Variants in GRIK1 observed in about 807,000 individuals in gnomAD.
GRIK1 encodes the protein glutamate receptor ionotropic, kainate 1.
In GRIK1, 69 loss-of-function variants were observed where a neutral mutation model predicts 105.7. The observed-to-expected ratio is 0.65, with a 90% CI of 0.54 to 0.80. The LOEUF (loss-of-function observed/expected upper bound fraction) is 0.80. GRIK1 is among the 30% of genes least tolerant of loss of function. The pLI, the probability that GRIK1 is intolerant of heterozygous loss-of-function variation, is 0.00. For missense variants in GRIK1, 1,109 were observed against 1,167.3 expected (o/e 0.95, Z 0.73); for synonymous variants, 438 against 431.3 (o/e 1.02, Z -0.19).
chr21:29,744,507 A>C (rs2065003782), intron 1 of GRIK1, among the ~76,000 whole-genome samples: 2 of 151,832 alleles, frequency 1.3e-5, no homozygotes, highest in Non-Finnish European at 2.9e-5. Flanking sequence ...GAGAGGGGGC[A>C]AGAAATCCTT....
At chr21:29,869,786 T>C (rs555466638) in intron 1 of GRIK1, among the ~76,000 whole-genome samples, 1 of 152,258 alleles carries the variant, frequency 6.6e-6, no homozygotes, top group Admixed American at 6.5e-5. Flanking sequence ...TAAACAAACA[T>C]TAAAAAATCT....
At chr21:29,797,789 G>A (rs114293954) in intron 1 of GRIK1, among the ~76,000 whole-genome samples, 270 of 152,106 alleles carry the variant, frequency 1.8e-3, no homozygotes, top group African/African-American at 6.3e-3. Flanking sequence ...ACAATGTCCC[G>A]CCTAGATTTC....
rs567274283 is a variant in GRIK1, at chr21:29,824,364, G to C, written c.118+115019C>G. ...TGTTTCACATTCAGGGGTTATCATA[G>C]TATACAAATAGACAAGCAACCTCTT... On this transcript the variant is annotated intron_variant, in intron 1 of 17. Transcript: ENST00000327783. Among the ~76,000 whole-genome samples the C allele has an allele frequency of 4.6e-5, 7 of 151,956 alleles. No homozygotes were observed. In the South Asian group the frequency reaches 8.3e-4, roughly 18 times the overall value.
intron 1 of GRIK1, among the ~76,000 whole-genome samples, chr21:29,725,116 G>C (rs1052898673): frequency 2.6e-5 from 4 of 151,962 alleles, no homozygotes; most frequent in Non-Finnish European, 5.9e-5. Flanking sequence ...AGCTGGAGAA[G>C]TGTGTTCTCA....
intron 7 of GRIK1, among the ~76,000 whole-genome samples, chr21:29,633,687 G>A (rs2062335403): frequency 6.6e-6 from 1 of 152,004 alleles, no homozygotes; most frequent in African/African-American, 2.4e-5. Flanking sequence ...TCCATCCAGA[G>A]TTGTACAGGG....
At chr21:29,770,978 G>T (rs770230676) in intron 1 of GRIK1, among the ~76,000 whole-genome samples, 1 of 152,004 alleles carries the variant, frequency 6.6e-6, no homozygotes, top group Non-Finnish European at 1.5e-5. Flanking sequence ...TGACACCAAA[G>T]GTAAAAATAA....
At chr21:29,695,481 T>C (rs997667077) in intron 1 of GRIK1, among the ~76,000 whole-genome samples, 6 of 147,544 alleles carry the variant, frequency 4.1e-5, no homozygotes, top group Non-Finnish European at 4.4e-5. Context: ...TCTATCTATA[T>C]ATATATATTT....
intron 1 of GRIK1, among the ~76,000 whole-genome samples, chr21:29,848,768 TATATATATA>T (rs1257084994): frequency 2.1e-5 from 2 of 97,194 alleles, no homozygotes; most frequent in African/African-American, 1.1e-4. Flanking sequence ...TATATATATA[TATATATATA>T]TATTTTTTTT....
At chr21:29,934,681 C>T (rs1298785442) in intron 1 of GRIK1, among the ~76,000 whole-genome samples, 1 of 152,092 alleles carries the variant, frequency 6.6e-6, no homozygotes, top group African/African-American at 2.4e-5. Flanking sequence ...AGCTCAAAAC[C>T]TGAGACCAGA....
intron 8 of GRIK1, among the ~76,000 whole-genome samples, chr21:29,598,274 C>G (rs2061454121): frequency 6.6e-6 from 1 of 152,114 alleles, no homozygotes; most frequent in Non-Finnish European, 1.5e-5. Flanking sequence ...AGAATTACAA[C>G]TAAAATAATC....
chr21:29,624,049 A>G (rs1489558056), intron 7 of GRIK1, among the ~76,000 whole-genome samples: 1 of 152,248 alleles, frequency 6.6e-6, no homozygotes, highest in Non-Finnish European at 1.5e-5. Flanking sequence ...TAATGCATTG[A>G]ACAGAGCAAA....
Position 29,588,866 on chromosome 21 carries a change from G to T in GRIK1, c.1542C>A (p.Asn514Lys). Residue 514 changes from asparagine to lysine, a missense_variant, in exon 11 of 18, where the codon AAC (asparagine) becomes AAA (lysine). Transcript: ENST00000327783. Reference sequence around the variant, plus strand: ...GATCTATGAGTTCTTTAACCATCCCGTTCCACTCCCCTTTGTCATTCTGGG... The same window carrying T: ...GATCTATGAGTTCTTTAACCATCCCTTTCCACTCCCCTTTGTCATTCTGGG... ...YGAQNDKGEW[N>K]GMVKELIDHR... is the part of the protein sequence containing the mutation. 1 of 1,601,494 alleles carries T rather than the reference G, an allele frequency of 6.2e-7. No homozygotes were observed. Among genetic ancestry groups the T allele is most frequent in the Non-Finnish European group, 8.6e-7 (1 of 1,168,606 alleles).
chr21:29,894,704 T>G (rs896415271), intron 1 of GRIK1, among the ~76,000 whole-genome samples: 4 of 152,184 alleles, frequency 2.6e-5, no homozygotes, highest in Non-Finnish European at 5.9e-5. Context: ...CTCAACTATG[T>G]GCACTTTAGC....
intron 1 of GRIK1, among the ~76,000 whole-genome samples, chr21:29,703,782 A>C (rs562657711): frequency 6.6e-6 from 1 of 152,212 alleles, no homozygotes; most frequent in South Asian, 2.1e-4. Context: ...CTTCAACTGG[A>C]AACTGGCTCT....
chr21:29,728,040 C>T (rs557360127), intron 1 of GRIK1, among the ~76,000 whole-genome samples: 8 of 152,310 alleles, frequency 5.3e-5, no homozygotes, highest in Admixed American at 4.6e-4. Flanking sequence ...AGCCCACCCA[C>T]ATTGAGGAGA....
intron 1 of GRIK1, among the ~76,000 whole-genome samples, chr21:29,790,628 T>A (rs186663680): frequency 2.0e-5 from 3 of 152,106 alleles, no homozygotes; most frequent in Admixed American, 6.5e-5. Flanking sequence ...TATTTTTGTA[T>A]TTTTTGTAGA....
At chr21:29,721,755 A>C (rs1001763623) in intron 1 of GRIK1, among the ~76,000 whole-genome samples, 2 of 151,996 alleles carry the variant, frequency 1.3e-5, no homozygotes, top group Non-Finnish European at 2.9e-5. Flanking sequence ...TGAGAAAGAA[A>C]CTCTACTTAT....
intron 16 of GRIK1, among the ~76,000 whole-genome samples, chr21:29,542,378 A>T (rs534692384): frequency 1.4e-5 from 1 of 71,702 alleles, no homozygotes; most frequent in African/African-American, 4.0e-5. Flanking sequence ...GAGCCTGAAT[A>T]TAAATTATAT....
rs571623184 is a variant in GRIK1, at chr21:29,694,296, A to G, written c.119-233T>C. 2.1e-3 allele frequency among the ~76,000 whole-genome samples: 317 copies of G among 151,650 alleles called. 4 individuals carry two copies. Among genetic ancestry groups the G allele is most frequent in the African/African-American group, 7.5e-3 (310 of 41,390 alleles). On this transcript the variant is annotated intron_variant, in intron 1 of 17. Transcript: ENST00000327783. The stretch of plus-strand genomic sequence containing the variant: ...GCACTACCATGCCCGGCTAATTATT[A>G]TATTATTAGTAGAGATGGGGTTTCC...
Sources: gnomAD v4.1 joint callset for allele counts (sites outside exome capture counted in the v4.1 genomes callset) on GRCh38, gnomAD v4.1.1 for gene constraint, MANE v1.5 for transcripts, NCBI Gene and HGNC (gene_info 2026-07-23, HGNC 2026-07-21) for gene names.